Variants in TGFB2 observed in about 807,000 individuals in gnomAD.
TGFB2 encodes transforming growth factor beta 2.
TGFB2 carries 13 observed loss-of-function variants against 42.7 expected under a neutral mutation model. The observed-to-expected ratio is 0.30, with a 90% CI of 0.20 to 0.48. TGFB2 has a LOEUF of 0.48. Among genes scored for constraint, TGFB2 ranks in the 20% least tolerant of loss-of-function variants. The pLI, the probability that TGFB2 is intolerant of heterozygous loss-of-function variation, is 0.99. For missense variants in TGFB2, 390 were observed against 517.5 expected (o/e 0.75, Z 2.39); for synonymous variants, 193 against 193.6 (o/e 1.00, Z 0.03).
At chr1:218,385,752 T>C (rs531531890) in intron 1 of TGFB2, among the ~76,000 whole-genome samples, 1 of 152,338 alleles carries the variant, frequency 6.6e-6, no homozygotes, top group East Asian at 1.9e-4. Flanking sequence ...GCTGTCTGGC[T>C]CCTTTCCCAT....
chr1:218,402,521 G>A (rs1658758334), intron 1 of TGFB2, among the ~76,000 whole-genome samples: 1 of 151,976 alleles, frequency 6.6e-6, no homozygotes, highest in African/African-American at 2.4e-5. Context: ...GAGTGTGGAT[G>A]GGCAGAGGAC....
rs577318480 is a variant in TGFB2 at position 218,441,236 on chromosome 1, A to C, written c.1119A>C (p.Glu373Asp). Residue 373 changes from glutamate (E) to aspartate (D), a missense_variant, in exon 7 of 7, where the codon GAA becomes GAC. Physicochemically the swap from Glu to Asp is conservative, Grantham distance 45 (BLOSUM62 2). Transcript: ENST00000366930. ...VLSLYNTINP[E>D]ASASPCCVSQ... ...GCTTATATAATACCATAAATCCAGA[A>C]GCATCTGCTTCTCCTTGCTGCGTGT... 1 of 1,613,664 alleles carries C rather than the reference A, an allele frequency of 6.2e-7. No individual in the cohort carries two copies. Among genetic ancestry groups the C allele is most frequent in the East Asian group, 2.2e-5 (1 of 44,864 alleles).
chr1:218,378,485 G>C (rs993154093), intron 1 of TGFB2, among the ~76,000 whole-genome samples: 2 of 150,514 alleles, frequency 1.3e-5, no homozygotes, highest in Non-Finnish European at 3.0e-5. Context: ...CCATTTTTTG[G>C]GTATTTTTAG....
At chr1:218,374,745 A>AAGCC (rs1407903694) in intron 1 of TGFB2, among the ~76,000 whole-genome samples, 4 of 152,198 alleles carry the variant, frequency 2.6e-5, no homozygotes, top group Non-Finnish European at 5.9e-5. Flanking sequence ...GAAAGATGAG[A>AAGCC]AGCCCAACTT....
intron 2 of TGFB2, among the ~76,000 whole-genome samples, chr1:218,421,612 C>A (rs1659457902): frequency 6.6e-6 from 1 of 152,084 alleles, no homozygotes; most frequent in Non-Finnish European, 1.5e-5. Context: ...ATTTATGAAT[C>A]ACTACTGTTA....
At chr1:218,435,052 C>T (rs905315891) in intron 4 of TGFB2, among the ~76,000 whole-genome samples, 5 of 152,156 alleles carry the variant, frequency 3.3e-5, no homozygotes, top group Admixed American at 2.6e-4. Flanking sequence ...GAGAGTGAGG[C>T]GATACCAAGG....
intron 2 of TGFB2, among the ~76,000 whole-genome samples, chr1:218,432,024 T>C (rs1180099662): frequency 1.3e-5 from 2 of 152,204 alleles, no homozygotes; most frequent in African/African-American, 4.8e-5. Flanking sequence ...ATTTTAATCT[T>C]ATTTAAAAAT....
intron 1 of TGFB2, among the ~76,000 whole-genome samples, chr1:218,361,403 G>C (rs989668796): frequency 3.3e-5 from 5 of 152,196 alleles, no homozygotes; most frequent in Non-Finnish European, 5.9e-5. Flanking sequence ...GCTGGAAATT[G>C]CAAGTGACAA....
At chr1:218,425,485 A>T (rs1291615634) in intron 2 of TGFB2, among the ~76,000 whole-genome samples, 3 of 152,046 alleles carry the variant, frequency 2.0e-5, no homozygotes, top group Non-Finnish European at 1.5e-5. Context: ...AGGATTACAG[A>T]TGTGAGCCAC....
intron 2 of TGFB2, among the ~76,000 whole-genome samples, chr1:218,424,019 A>G (rs1159695725): frequency 6.6e-6 from 1 of 152,200 alleles, no homozygotes; most frequent in African/African-American, 2.4e-5. Context: ...TCTTCAAAGA[A>G]CTCTAAGGGA....
At chr1:218,402,008 C>T (rs1658738538) in intron 1 of TGFB2, among the ~76,000 whole-genome samples, 1 of 152,192 alleles carries the variant, frequency 6.6e-6, no homozygotes, top group Non-Finnish European at 1.5e-5. Flanking sequence ...GGGCTTGTGA[C>T]CCAGAGCAGA....
At chr1:218,410,315 A>G (rs1329303836) in intron 2 of TGFB2, among the ~76,000 whole-genome samples, 3 of 152,156 alleles carry the variant, frequency 2.0e-5, no homozygotes, top group African/African-American at 7.2e-5. Flanking sequence ...GCGAAGGTCT[A>G]TTGTTTCTCT....
rs375611057 is a variant in TGFB2, at chr1:218,379,487, C to CTTTCTT, written c.347-25679_347-25678insCTTTTT. Among the ~76,000 whole-genome samples, 676 of 133,380 alleles carry CTTTCTT rather than the reference C, an allele frequency of 5.1e-3. 38 individuals carry two copies. The East Asian group carries it at 0.11, about 22-fold the overall frequency. The allele number at this position is 133,380 out of a possible 152,430, so 87.5% of individuals were successfully genotyped here. On this transcript the variant is annotated intron_variant, in intron 1 of 6. Transcript: ENST00000366930. Reference sequence around the variant, plus strand: ...TTTCTTTTTCTTTCTTTCTTTCTTTCTTTTTTTTTTTTTTACTTCTGCGAG... The same window carrying CTTTCTT: ...TTTCTTTTTCTTTCTTTCTTTCTTTCTTTCTTTTTTTTTTTTTTTTACTTCTGCGAG...
intron 1 of TGFB2, among the ~76,000 whole-genome samples, chr1:218,361,599 A>G (rs1657213153): frequency 6.6e-6 from 1 of 152,190 alleles, no homozygotes; most frequent in African/African-American, 2.4e-5. Flanking sequence ...TTGAAGAAAA[A>G]GTATTGCTAA....
At chr1:218,439,099 T>G (rs1660066437) in intron 6 of TGFB2, among the ~76,000 whole-genome samples, 1 of 120,020 alleles carries the variant, frequency 8.3e-6, no homozygotes, top group Non-Finnish European at 1.6e-5. Flanking sequence ...CAGAGTGAGA[T>G]CCTGTCTCAA....
chr1:218,434,513 A>T, intron 4 of TGFB2, 65 bp downstream of exon 4: 9 of 1,035,898 alleles, frequency 8.7e-6, no homozygotes, highest in Non-Finnish European at 1.3e-5. Flanking sequence ...CTCATGGGGG[A>T]TAAAATCAGT....
intron 2 of TGFB2, among the ~76,000 whole-genome samples, chr1:218,426,152 T>A (rs1558258258): frequency 6.6e-6 from 1 of 152,228 alleles, no homozygotes; most frequent in African/African-American, 2.4e-5. Flanking sequence ...GCATTAGAAG[T>A]CTGATTGAAT....
In TGFB2 at chr1:218,396,128, C is replaced by T. The variant is rs184653702; in HGVS notation, c.347-9041C>T. 2.0e-3 allele frequency among the ~76,000 whole-genome samples: 304 copies of T among 152,242 alleles called. 3 individuals carry two copies. The highest frequency in any genetic ancestry group is 6.9e-3 in the African/African-American group (288 of 41,550). ...TGAGTAACCAGAAGGGAAGCCTGGT[C>T]AAGTGCATTGTGGTTAGACCATCAT... On this transcript the variant is annotated intron_variant, in intron 1 of 6. Coordinates refer to ENST00000366930, the MANE Select transcript of TGFB2 (RefSeq NM_003238.6).
chr1:218,434,305 T>C, intron 3 of TGFB2, 33 bp from the exon 4 acceptor site: 3 of 1,612,354 alleles, frequency 1.9e-6, no homozygotes, highest in South Asian at 1.1e-5. Flanking sequence ...TAGACACACA[T>C]ACAAATGACC....
Sources: allele counts gnomAD v4.1 joint callset (sites outside exome capture counted in the v4.1 genomes callset), GRCh38; gene constraint gnomAD v4.1.1; transcripts MANE v1.5; gene names NCBI Gene and HGNC (gene_info 2026-07-23, HGNC 2026-07-21).